NRG1: variants seen among roughly 807,000 people sequenced by gnomAD.
The protein encoded by NRG1 is pro-neuregulin-1, membrane-bound isoform.
In NRG1, 18 loss-of-function variants were observed where a neutral mutation model predicts 63.8. The observed-to-expected ratio is 0.28, with a 90% CI of 0.19 to 0.42. The LOEUF is 0.42. Ranked by LOEUF, NRG1 falls within the 10% of genes least tolerant of loss-of-function variation. The pLI, the probability that NRG1 is intolerant of heterozygous loss-of-function variation, is 1.00. For synonymous variants in NRG1, 302 were observed against 301.3 expected, an observed-to-expected ratio of 1.00 and a Z score of -0.02; for missense variants, 762 against 814.7, an observed-to-expected ratio of 0.94 and a Z score of 0.79.
At chr8:31,826,165 A>G (rs1824530427) in intron 1 of NRG1, among the ~76,000 whole-genome samples, 1 of 152,142 alleles carries the variant, frequency 6.6e-6, no homozygotes, top group African/African-American at 2.4e-5. Flanking sequence ...GTCTCAGGTC[A>G]ATGGGATGTA....
At chr8:31,718,784 T>G (rs930281484) in intron 1 of NRG1, among the ~76,000 whole-genome samples, 4 of 152,192 alleles carry the variant, frequency 2.6e-5, no homozygotes, top group African/African-American at 7.2e-5. Flanking sequence ...ATATCTCTAA[T>G]AAGGAAAAAT....
intron 1 of NRG1, among the ~76,000 whole-genome samples, chr8:32,416,002 C>A (rs1269084756): frequency 6.6e-6 from 1 of 152,206 alleles, no homozygotes; most frequent in African/African-American, 2.4e-5. Flanking sequence ...CAATACACTG[C>A]AGACACTTTC....
intron 1 of NRG1, among the ~76,000 whole-genome samples, chr8:31,710,610 G>T (rs540395851): frequency 6.6e-6 from 1 of 151,950 alleles, no homozygotes; most frequent in African/African-American, 2.4e-5. Context: ...ATCATTTTGG[G>T]CCTAAATTCT....
intron 1 of NRG1, among the ~76,000 whole-genome samples, chr8:32,185,790 T>C (rs1224464714): frequency 6.6e-6 from 1 of 152,198 alleles, no homozygotes; most frequent in Non-Finnish European, 1.5e-5. Flanking sequence ...AATAATTCCA[T>C]GACTAAGGCT....
chr8:31,920,413 A>G (rs1833804396), intron 1 of NRG1, among the ~76,000 whole-genome samples: 1 of 152,216 alleles, frequency 6.6e-6, no homozygotes, highest in African/African-American at 2.4e-5. Context: ...ATAAATAATC[A>G]TTAATGCATG....
At chr8:32,647,748 G>T (rs1204435587) in intron 5 of NRG1, 5 of 1,590,234 alleles carry the variant, frequency 3.1e-6, no homozygotes, top group Admixed American at 3.6e-5. Context: ...CATGTCTGAG[G>T]TCGCCGCCGA....
intron 1 of NRG1, among the ~76,000 whole-genome samples, chr8:32,549,586 G>T (rs1833740631): frequency 6.6e-6 from 1 of 152,192 alleles, no homozygotes; most frequent in Non-Finnish European, 1.5e-5. Flanking sequence ...AGAGATGTAA[G>T]AAAACAACCG....
chr8:32,135,901 A>C (rs1012214571), intron 1 of NRG1, among the ~76,000 whole-genome samples: 1 of 152,148 alleles, frequency 6.6e-6, no homozygotes, highest in Non-Finnish European at 1.5e-5. Context: ...AATCAAAAGA[A>C]ACTCTAAAGG....
intron 1 of NRG1, among the ~76,000 whole-genome samples, chr8:31,677,839 C>T (rs567107122): frequency 1.8e-4 from 28 of 152,198 alleles, no homozygotes; most frequent in Non-Finnish European, 3.1e-4. Context: ...ACATCCCTTG[C>T]ATTTATTTTT....
intron 1 of NRG1, among the ~76,000 whole-genome samples, chr8:32,234,965 T>C (rs1847380830): frequency 6.6e-6 from 1 of 152,070 alleles, no homozygotes; most frequent in Non-Finnish European, 1.5e-5. Flanking sequence ...TAAGAATTAA[T>C]TAATAGTCTT....
chr8:32,430,793 T>G (rs986127839), intron 1 of NRG1, among the ~76,000 whole-genome samples: 28 of 152,060 alleles, frequency 1.8e-4, no homozygotes, highest in Admixed American at 3.9e-4. Flanking sequence ...TTGGGTTTTT[T>G]TTTTTTTTTT....
exon 1 of NRG1, chr8:31,639,345 G>A (rs987855616): frequency 1.2e-5 from 19 of 1,532,946 alleles, no homozygotes; most frequent in Admixed American, 3.9e-5. Context: ...GCGGGGACGG[G>A]GACGCCCAGG....
intron 1 of NRG1, among the ~76,000 whole-genome samples, chr8:32,084,077 TTTAAA>T (rs2131187592): frequency 6.6e-6 from 1 of 152,294 alleles, no homozygotes; most frequent in African/African-American, 2.4e-5. Flanking sequence ...AAAAAGACAT[TTTAAA>T]TTAAGACCAA....
At chr8:31,958,092 T>C (rs181071606) in intron 1 of NRG1, among the ~76,000 whole-genome samples, 95 of 146,470 alleles carry the variant, frequency 6.5e-4, no homozygotes, top group East Asian at 1.2e-3. Context: ...GACAGACAGA[T>C]AGATAGGCAG....
At chr8:32,709,298 CTT>C (rs376198043) in intron 5 of NRG1, among the ~76,000 whole-genome samples, 13 of 152,182 alleles carry the variant, frequency 8.5e-5, no homozygotes, top group African/African-American at 3.1e-4. Context: ...CCTCAGCTCT[CTT>C]ATCACCGAAG....
rs575345029 is a variant in NRG1 at position 32,680,854 on chromosome 8, A to AAT, written c.503-47095_503-47094insAT. The stretch of plus-strand genomic sequence containing the variant: ...TGTACCCCAAGCATCCAGTATATTT[A>AAT]GTGAATGAATGAATGACCTAGGTAT... On this transcript the variant is annotated intron_variant, in intron 5 of 11. Transcript: ENST00000356819. Among the ~76,000 whole-genome samples, 1,338 of 152,226 alleles carry AAT rather than the reference A, an allele frequency of 8.8e-3. 30 individuals are homozygous for AAT. The highest frequency in any genetic ancestry group is 0.031 in the African/African-American group (1,276 of 41,534).
chr8:31,973,847 C>T (rs909635548), intron 1 of NRG1, among the ~76,000 whole-genome samples: 1 of 152,092 alleles, frequency 6.6e-6, no homozygotes, highest in East Asian at 1.9e-4. Context: ...AGATGCCCAG[C>T]ATTTAAAGGG....
chr8:32,061,992 T>C (rs1823954745), intron 1 of NRG1, among the ~76,000 whole-genome samples: 1 of 151,968 alleles, frequency 6.6e-6, no homozygotes, highest in African/African-American at 2.4e-5. Context: ...GACATACAAG[T>C]ACCCAAGAGA....
At chr8:31,974,827 A>G (rs760938011) in intron 1 of NRG1, among the ~76,000 whole-genome samples, 106 of 152,352 alleles carry the variant, frequency 7.0e-4, no homozygotes, top group Non-Finnish European at 1.1e-3. Context: ...TACACATTCT[A>G]AAGACTCTAA....
Sources: gnomAD v4.1 joint callset for allele counts (sites outside exome capture counted in the v4.1 genomes callset) on GRCh38, gnomAD v4.1.1 for gene constraint, MANE v1.5 for transcripts, NCBI Gene and HGNC (gene_info 2026-07-23, HGNC 2026-07-21) for gene names.